SCN1A: variants seen among roughly 807,000 people sequenced by gnomAD.
SCN1A encodes sodium channel protein type 1 subunit alpha.
SCN1A carries 13 observed loss-of-function variants against 193.7 expected under a neutral mutation model. The ratio of observed to expected loss-of-function variants is 0.07; its 90% CI spans 0.04 to 0.11. The LOEUF (loss-of-function observed/expected upper bound fraction) is 0.11, where lower values mean the gene tolerates loss of function less well. SCN1A is among the 10% of genes least tolerant of loss of function. The pLI, the probability that SCN1A is intolerant of heterozygous loss-of-function variation, is 1.00. For missense variants in SCN1A, 1,432 were observed against 2,451.1 expected (o/e 0.58, Z 8.78); for synonymous variants, 781 against 843.6 (o/e 0.93, Z 1.29).
intron 19 of SCN1A, chr2:166,016,582 A>C (rs1370416043): frequency 6.6e-6 from 1 of 152,026 alleles, no homozygotes; most frequent in Non-Finnish European, 1.5e-5. Context: ...AATATTAACT[A>C]ACATATTAAG....
intron 15 of SCN1A, 94 bp downstream of exon 15, chr2:166,042,198 T>C: frequency 8.2e-7 from 1 of 1,218,376 alleles, no homozygotes; most frequent in East Asian, 2.3e-5. Flanking sequence ...TTCATTAGAA[T>C]GCACTATTCC....
intron 2 of SCN1A, among the ~76,000 whole-genome samples, chr2:166,090,703 G>T (rs1162849376): frequency 6.6e-6 from 1 of 151,960 alleles, no homozygotes; most frequent in Non-Finnish European, 1.5e-5. Flanking sequence ...ACCTCCCATG[G>T]TACCCAGAAG....
chr2:166,115,521 G>C (rs1194915598), intron 2 of SCN1A, among the ~76,000 whole-genome samples: 2 of 152,104 alleles, frequency 1.3e-5, no homozygotes, highest in Admixed American at 6.5e-5. Flanking sequence ...GTATATATAA[G>C]TAGTTCAATA....
intron 3 of SCN1A, among the ~76,000 whole-genome samples, chr2:166,076,084 T>C (rs1684959281): frequency 6.6e-6 from 1 of 151,958 alleles, no homozygotes; most frequent in South Asian, 2.1e-4. Context: ...TTTAAAAATG[T>C]ATATTTTTTG....
chr2:166,090,238 C>T (rs1034269989), intron 2 of SCN1A, among the ~76,000 whole-genome samples: 3 of 151,634 alleles, frequency 2.0e-5, no homozygotes, highest in Non-Finnish European at 4.4e-5. Context: ...CTCTATGTTG[C>T]CCAGGTGGTC....
chr2:166,010,436 T>C (rs903949625), intron 22 of SCN1A, among the ~76,000 whole-genome samples: 4 of 151,234 alleles, frequency 2.6e-5, no homozygotes, highest in Non-Finnish European at 4.5e-5. Context: ...CCTCAAAATT[T>C]TTTATACTAA....
intron 4 of SCN1A, 148 bp downstream of exon 4, chr2:166,073,210 A>G (rs1684641562): frequency 2.3e-6 from 2 of 859,044 alleles, no homozygotes; most frequent in Admixed American, 2.6e-5. Flanking sequence ...TCTCATGTAT[A>G]TGCATAAACC....
In SCN1A at chr2:165,991,088, AG is replaced by A. The variant is rs1689063096; in HGVS notation, c.*156del. The A allele has an allele frequency of 6.2e-6, 4 of 649,888 alleles. No homozygotes were observed. Among genetic ancestry groups the A allele is most frequent in the Non-Finnish European group, 7.9e-6 (3 of 381,944 alleles). 40.3% of individuals were successfully genotyped at this position (649,888 alleles called of 1,614,324 possible). ...TACACAGAGTCACAGTTTGCTGACA[AG>A]GGGTCACTGTCTTATTGTAGGCACT... On this transcript the variant is annotated 3_prime_UTR_variant, in exon 29 of 29. Transcript: ENST00000674923.
At chr2:166,101,729 C>T (rs987553089) in intron 2 of SCN1A, among the ~76,000 whole-genome samples, 1 of 152,098 alleles carries the variant, frequency 6.6e-6, no homozygotes, top group African/African-American at 2.4e-5. Context: ...AAAATCAGTT[C>T]AAGATGGATT....
chr2:166,099,035 A>G (rs1323031112), intron 2 of SCN1A, among the ~76,000 whole-genome samples: 1 of 152,226 alleles, frequency 6.6e-6, no homozygotes, highest in Non-Finnish European at 1.5e-5. Context: ...AAACCCAAAA[A>G]GATCCTGACT....
intron 2 of SCN1A, among the ~76,000 whole-genome samples, chr2:166,087,809 T>C (rs1686309273): frequency 1.3e-5 from 2 of 152,236 alleles, no homozygotes; most frequent in Admixed American, 1.3e-4. Flanking sequence ...ATGTGGAGAC[T>C]ATGAAGTTGG....
chr2:165,998,047 C>T lies in SCN1A; in HGVS notation c.4467G>A (p.Gln1489=), dbSNP rs121918633. 1 of 1,602,968 alleles carries T rather than the reference C, an allele frequency of 6.2e-7. No individual in the cohort carries two copies. The highest frequency in any genetic ancestry group is 8.5e-7 in the Non-Finnish European group (1 of 1,171,912). ...TATTAGAAATACTTATCTTCTTTTT[C>T]TGCTGGTTGAAATTATCTATGATGA... ...IGVIIDNFNQ[Q]KKKFGGQDIF... The change falls in exon 26 of 29, where the codon CAG becomes CAA. Residue 1489 remains glutamine, a synonymous_variant. Transcript: ENST00000674923.
intron 19 of SCN1A, among the ~76,000 whole-genome samples, chr2:166,029,372 C>A (rs1428317634): frequency 6.6e-6 from 1 of 151,956 alleles, no homozygotes; most frequent in Non-Finnish European, 1.5e-5. Context: ...GGGTAAAGGC[C>A]TTGGGAATGC....
intron 6 of SCN1A, 70 bp from the exon 7 acceptor site, chr2:166,054,836 C>T: frequency 1.4e-6 from 2 of 1,401,982 alleles, no homozygotes; most frequent in Non-Finnish European, 2.0e-6. Flanking sequence ...TTTCTTATCA[C>T]TCCATCAGTG....
chr2:166,103,763 G>T (rs1688395070), intron 2 of SCN1A, among the ~76,000 whole-genome samples: 2 of 152,228 alleles, frequency 1.3e-5, no homozygotes, highest in South Asian at 4.2e-4. Context: ...GTGTTTAAAA[G>T]CATCTACCCA....
At position 166,052,874 on chromosome 2, in the gene SCN1A, C is replaced by G. The variant is rs1170665581; in HGVS notation, c.672G>C (p.Leu224Phe). ...ALRTFRVLRALKTISVIPGLK... is the reference protein window; with the variant it reads ...ALRTFRVLRAFKTISVIPGLK... ...CACCTGGAATGACTGAAATCGTCTT[C>G]AATGCTCGGAGAACTCTGAATGTTC... Residue 224 changes from leucine (L) to phenylalanine (F), a missense_variant, in exon 8 of 29, where the codon TTG becomes TTC. Physicochemically the swap from Leu to Phe is conservative, Grantham distance 22 (BLOSUM62 0). Transcript: ENST00000674923. The G allele has an allele frequency of 3.7e-6, 6 of 1,612,402 alleles. No homozygotes were observed. In the South Asian group the frequency reaches 5.5e-5, roughly 15 times the overall value.
intron 1 of SCN1A, among the ~76,000 whole-genome samples, chr2:166,144,999 G>A (rs1243541012): frequency 6.6e-6 from 1 of 151,892 alleles, no homozygotes; most frequent in Non-Finnish European, 1.5e-5. Flanking sequence ...ACCATGCCTA[G>A]CTAATTTTTG....
Position 166,095,143 on chromosome 2 carries a change from C to T in SCN1A, c.-141-17342G>A, listed in dbSNP as rs187050950. Among the ~76,000 whole-genome samples, 30 of 152,294 alleles carry T rather than the reference C, an allele frequency of 2.0e-4. No homozygotes were observed. The East Asian group carries it at 2.3e-3, about 12-fold the overall frequency. On this transcript the variant is annotated intron_variant, in intron 2 of 28. Coordinates refer to ENST00000674923, the MANE Select transcript of SCN1A (RefSeq NM_001165963.4). The stretch of plus-strand genomic sequence containing the variant: ...TTCCATAGGGATAAAAATTCAATTA[C>T]GTACCCTCCTTGTGACAAACCTCCA...
At chr2:166,138,118 T>C (rs939928477) in intron 1 of SCN1A, among the ~76,000 whole-genome samples, 14 of 152,130 alleles carry the variant, frequency 9.2e-5, no homozygotes, top group Admixed American at 3.3e-4. Context: ...AGGGGTGACT[T>C]GGGTGCTATT....
Sources: allele counts gnomAD v4.1 joint callset (sites outside exome capture counted in the v4.1 genomes callset), GRCh38; gene constraint gnomAD v4.1.1; transcripts MANE v1.5; gene names NCBI Gene and HGNC (gene_info 2026-07-23, HGNC 2026-07-21).